Variants in LRRC66 observed in about 807,000 individuals in gnomAD.
The protein encoded by LRRC66 is leucine rich repeat containing 66, also known as leucine-rich repeat-containing protein 66.
In LRRC66, 29 loss-of-function variants were observed where a neutral mutation model predicts 24.6. The ratio of observed to expected loss-of-function variants is 1.18; its 90% CI spans 0.88 to 1.61. LRRC66 has a LOEUF of 1.61. Among genes scored for constraint, LRRC66 ranks in the 40% most tolerant of loss-of-function variants. LRRC66 has a pLI of 0.00. For missense variants in LRRC66, 1,124 were observed against 1,058.0 expected, an observed-to-expected ratio of 1.06 and a Z score of -0.87; for synonymous variants, 411 against 397.6, an observed-to-expected ratio of 1.03 and a Z score of -0.40.
intron 3 of LRRC66, among the ~76,000 whole-genome samples, chr4:51,999,370 T>C (rs1736397408): frequency 6.6e-6 from 1 of 152,180 alleles, no homozygotes; most frequent in African/African-American, 2.4e-5. Context: ...ACAAGACCAT[T>C]ACATACAGAA....
In LRRC66 at chr4:51,994,490, TAA is replaced by T. The variant is rs773659948; in HGVS notation, c.2530_2531del (p.Leu844ArgfsTer17). ...AAEWHCSLRD[L>X]EFSNVDVLQQ... ...GTAAAACGTCCACATTTGAAAATTC[TAA>T]GTCTCTAAGTGAGCAATGCCATTCT... is the stretch of plus-strand genomic sequence containing the variant. On this transcript the variant is annotated frameshift_variant, in exon 5 of 5. Transcript: ENST00000682860. LOFTEE classifies it low-confidence loss of function (END_TRUNC). 1 of 1,614,248 alleles carries T rather than the reference TAA, an allele frequency of 6.2e-7. No individual in the cohort carries two copies. The highest frequency in any genetic ancestry group is 1.1e-5 in the South Asian group (1 of 91,088).
At chr4:52,007,599 C>T (rs139607609) in intron 2 of LRRC66, among the ~76,000 whole-genome samples, 339 of 152,270 alleles carry the variant, frequency 2.2e-3, no homozygotes, top group African/African-American at 7.5e-3. Flanking sequence ...TTGATTACTA[C>T]GATCTTCAAG....
chr4:52,016,349 T>TAATGA (rs1160488048), intron 2 of LRRC66, among the ~76,000 whole-genome samples: 2 of 152,176 alleles, frequency 1.3e-5, no homozygotes. Context: ...AATAATGTCT[T>TAATGA]ATATAAAGGA....
At chr4:52,000,017 G>A (rs1199872618) in intron 3 of LRRC66, among the ~76,000 whole-genome samples, 2 of 152,122 alleles carry the variant, frequency 1.3e-5, no homozygotes, top group Non-Finnish European at 2.9e-5. Flanking sequence ...ATAGAATAGT[G>A]CAAGTATCAA....
In LRRC66 at chr4:51,994,735, G is replaced by A. The variant is rs1193711767; in HGVS notation, c.2287C>T (p.Pro763Ser). 1 of 1,614,180 alleles carries A rather than the reference G, an allele frequency of 6.2e-7. No individual in the cohort carries two copies. The highest frequency in any genetic ancestry group is 1.7e-5 in the Admixed American group (1 of 60,020). ...TCTTCTTGATTCTTGCATTTCCCTG[G>A]AATTGTTTGGAAGGTAACATTTTCC... ...LEENVTFQTIPGKCKNQEDPF... is the reference protein window; with the variant it reads ...LEENVTFQTISGKCKNQEDPF... Residue 763 changes from proline (P) to serine (S), a missense_variant, in exon 5 of 5, where the codon CCA becomes TCA. Pro to Ser is a moderately conservative substitution (Grantham distance 74, BLOSUM62 -1). Transcript: ENST00000682860.
In LRRC66 at chr4:51,995,333, G is replaced by T; in HGVS notation, c.1689C>A (p.His563Gln). Residue 563 changes from histidine (H) to glutamine (Q), a missense_variant, in exon 5 of 5, where the codon CAC becomes CAA. Transcript: ENST00000682860. The stretch of plus-strand genomic sequence containing the variant: ...CATAACGGCTTGAGCCAGAGACAGC[G>T]TGAGACGTGCCAGCTACAGAAGAGA... The part of the protein sequence containing the change: ...VGVSSVAGTS[H>Q]AVSGSSRYDS... 6.2e-7 allele frequency: 1 copy of T among 1,614,166 alleles called. No homozygotes were observed. The highest frequency in any genetic ancestry group is 8.5e-7 in the Non-Finnish European group (1 of 1,180,022).
intron 2 of LRRC66, among the ~76,000 whole-genome samples, chr4:52,009,135 C>G (rs1736646805): frequency 6.6e-6 from 1 of 152,120 alleles, no homozygotes; most frequent in South Asian, 2.1e-4. Flanking sequence ...TCATAACGCA[C>G]TTCTAAATAA....
intron 3 of LRRC66, among the ~76,000 whole-genome samples, chr4:51,999,341 T>C (rs1432964400): frequency 6.6e-6 from 1 of 152,220 alleles, no homozygotes; most frequent in African/African-American, 2.4e-5. Context: ...TTCAAGCAAA[T>C]AATCAAACAC....
chr4:51,999,629 T>C (rs116443053), intron 3 of LRRC66, among the ~76,000 whole-genome samples: 488 of 152,318 alleles, frequency 3.2e-3, no homozygotes, highest in Middle Eastern at 6.8e-3. Context: ...ATGTCTACAT[T>C]TATTTTTTGT....
intron 2 of LRRC66, among the ~76,000 whole-genome samples, chr4:52,004,153 C>A (rs1736521754): frequency 6.6e-6 from 1 of 152,110 alleles, no homozygotes; most frequent in African/African-American, 2.4e-5. Context: ...CAGGCGCCTG[C>A]CACCATGCCA....
Position 51,997,748 on chromosome 4 carries a change from C to T in LRRC66, c.856G>A (p.Gly286Arg), listed in dbSNP as rs570531379. ...TTTCAGAGAGACATTACTGACTTAC[C>T]TATAGACCTGTTGCAAATGACATTC... ...KWNVICNRSIGSEEANGGTPQ... is the reference protein window; with the variant it reads ...KWNVICNRSIRSEEANGGTPQ... The change falls in exon 4 of 5, where the codon GGG (glycine) becomes AGG (arginine). Residue 286 changes from glycine (G) to arginine (R), a missense_variant and splice_region_variant. Gly to Arg is a moderately radical substitution (Grantham distance 125). Coordinates refer to ENST00000682860, the MANE Select transcript of LRRC66 (RefSeq NM_001024611.3). The T allele has an allele frequency of 1.9e-6, 3 of 1,613,380 alleles. No individual in the cohort carries two copies. The East Asian group carries it at 6.7e-5, about 36-fold the overall frequency.
rs1267513538 is a variant in LRRC66, at chr4:51,996,286, AC to A, written c.857-122del. On this transcript the variant is annotated intron_variant, in intron 4 of 4. Transcript: ENST00000682860. The stretch of plus-strand genomic sequence containing the variant: ...TTTTTGAATTTTGAATTCCAGGCAC[AC>A]CCAGCCTGGAGCGCAGTGGCACAAT... 1.0e-5 allele frequency: 10 copies of A among 959,742 alleles called. No homozygotes were observed. The East Asian group carries it at 2.7e-4, about 25-fold the overall frequency. The allele number at this position is 959,742 out of a possible 1,614,324, so 59.5% of individuals were successfully genotyped here.
At chr4:51,999,039 G>A (rs1736386907) in intron 3 of LRRC66, among the ~76,000 whole-genome samples, 1 of 152,212 alleles carries the variant, frequency 6.6e-6, no homozygotes, top group Non-Finnish European at 1.5e-5. Flanking sequence ...TTCCAATGCA[G>A]AACATACCCT....
Position 52,017,395 on chromosome 4 carries a change from T to G in LRRC66, c.219A>C (p.Arg73Ser), listed in dbSNP as rs1318387106. 8 of 1,614,052 alleles carry G rather than the reference T, an allele frequency of 5.0e-6. No homozygotes were observed. In the African/African-American group the frequency reaches 6.7e-5, roughly 13 times the overall value. ...ATVDVSFNFF[R>S]VLLQSHTKKE... ...TTTTCGTGTGAGACTGTAAGAGAAC[T>G]CTAAAGAAATTGAAACTTACATCCA... The change falls in exon 2 of 5, where the codon AGA becomes AGC. Residue 73 changes from arginine to serine, a missense_variant. Coordinates refer to ENST00000682860, the MANE Select transcript of LRRC66 (RefSeq NM_001024611.3).
Position 51,994,661 on chromosome 4 carries a change from C to A in LRRC66, c.2361G>T (p.Lys787Asn), listed in dbSNP as rs1174241670. 1.2e-6 allele frequency: 2 copies of A among 1,614,134 alleles called. No homozygotes were observed. The highest frequency in any genetic ancestry group is 1.7e-6 in the Non-Finnish European group (2 of 1,180,020). Residue 787 changes from lysine to asparagine, a missense_variant, in exon 5 of 5, where the codon AAG (lysine) becomes AAT (asparagine). Transcript: ENST00000682860. ...LISAPDSGMY[K>N]THLENASDTD... ...TGTCAGAGGCATTTTCCAGATGAGTCTTGTACATGCCAGAGTCTGGAGCAG... is the reference window on the plus strand; with the variant it reads ...TGTCAGAGGCATTTTCCAGATGAGTATTGTACATGCCAGAGTCTGGAGCAG...
At position 52,013,907 on chromosome 4, in the gene LRRC66, T is replaced by C. The variant is rs189993756; in HGVS notation, c.496+3211A>G. On this transcript the variant is annotated intron_variant, in intron 2 of 4. Coordinates refer to ENST00000682860, the MANE Select transcript of LRRC66 (RefSeq NM_001024611.3). ...CTATATAGTCAGACACAAATAATTATCTGCTCATGAATTATAGTGGGCTAC... is the reference window on the plus strand; with the variant it reads ...CTATATAGTCAGACACAAATAATTACCTGCTCATGAATTATAGTGGGCTAC... 6.7e-3 allele frequency among the ~76,000 whole-genome samples: 1,016 copies of C among 152,378 alleles called. 5 individuals are homozygous for C. The highest frequency in any genetic ancestry group is 8.2e-3 in the Non-Finnish European group (556 of 68,038).
intron 3 of LRRC66, among the ~76,000 whole-genome samples, chr4:51,999,877 T>C (rs146113321): frequency 6.6e-6 from 1 of 152,276 alleles, no homozygotes; most frequent in East Asian, 1.9e-4. Flanking sequence ...AAGAATGGGA[T>C]AAGATTAGGA....
In LRRC66 at chr4:52,003,380, A is replaced by G. The variant is rs764494629; in HGVS notation, c.509T>C (p.Leu170Pro). ...CAGATCCAAACTCTGCAATGACTTC[A>G]GTTTCCACAGTCCTGTTAAAATGAA... ...LSDTPKGLWK[L>P]KSLQSLDLSF... is the part of the protein sequence containing the mutation. The change falls in exon 3 of 5, where the codon CTG becomes CCG. Residue 170 changes from leucine to proline, a missense_variant. Physicochemically the swap from Leu to Pro is moderately conservative, Grantham distance 98. Coordinates refer to ENST00000682860, the MANE Select transcript of LRRC66 (RefSeq NM_001024611.3). The G allele has an allele frequency of 7.4e-6, 12 of 1,612,764 alleles. No individual in the cohort carries two copies. Among genetic ancestry groups the G allele is most frequent in the Non-Finnish European group, 1.0e-5 (12 of 1,179,614 alleles).
In LRRC66 at chr4:51,995,143, T is replaced by C. The variant is rs1560555454; in HGVS notation, c.1879A>G (p.Ser627Gly). 6.2e-7 allele frequency: 1 copy of C among 1,614,230 alleles called. No homozygotes were observed. Among genetic ancestry groups the C allele is most frequent in the South Asian group, 1.1e-5 (1 of 91,090 alleles). ...ATGCTCAGCAAATCAATGGATGAAC[T>C]CACTTGCCTTTCCTTAGAAAATTCC... ...QMEFSKERQV[S>G]SSIDLLSIQQ... The change falls in exon 5 of 5, where the codon AGT becomes GGT. Residue 627 changes from serine to glycine, a missense_variant. Transcript: ENST00000682860.
Sources: gnomAD v4.1 joint callset for allele counts (sites outside exome capture counted in the v4.1 genomes callset) on GRCh38, gnomAD v4.1.1 for gene constraint, MANE v1.5 for transcripts, NCBI Gene and HGNC (gene_info 2026-07-23, HGNC 2026-07-21) for gene names.